The following XPA variants were observed in gnomAD, a reference collection of about 807,000 sequenced individuals.
The protein encoded by XPA is DNA repair protein complementing XP-A cells.
In XPA, 27 loss-of-function variants were observed where a neutral mutation model predicts 35.7. The observed-to-expected ratio is 0.76, with a 90% CI of 0.56 to 1.04. The LOEUF is 1.04. XPA is among the 50% of genes least tolerant of loss of function. XPA has a pLI of 0.00. For missense variants in XPA, 354 were observed against 342.7 expected, an observed-to-expected ratio of 1.03 and a Z score of -0.26; for synonymous variants, 133 against 118.4, an observed-to-expected ratio of 1.12 and a Z score of -0.80.
chr9:97,675,627 A>C (rs1202296598), intron 5 of XPA, 40 bp from the exon 6 acceptor site: 1 of 1,613,250 alleles, frequency 6.2e-7, no homozygotes, highest in Admixed American at 1.7e-5. Context: ...CAGTGGTGCT[A>C]TTCAGGTGAA....
chr9:97,656,228 GA>G, the XPA span: 3 of 698,166 alleles, frequency 4.3e-6, no homozygotes, highest in Non-Finnish European at 7.1e-6. Context: ...CTTAGGCTAA[GA>G]AAAATTAGGC....
the XPA span, among the ~76,000 whole-genome samples, chr9:97,657,906 CTATA>C: frequency 2.6e-3 from 328 of 127,470 alleles, 3 homozygotes; most frequent in Middle Eastern, 8.3e-3. Context: ...CTCTCTCTCT[CTATA>C]TATATATATA....
chr9:97,688,126 A>AG (rs1828777390), intron 3 of XPA, among the ~76,000 whole-genome samples: 1 of 152,190 alleles, frequency 6.6e-6, no homozygotes, highest in Non-Finnish European at 1.5e-5. Context: ...AGAATGGAGG[A>AG]CTGTGTTCCT....
chr9:97,684,061 T>G (rs1267498915), intron 5 of XPA, among the ~76,000 whole-genome samples: 1 of 141,142 alleles, frequency 7.1e-6, no homozygotes, highest in Admixed American at 6.8e-5. Context: ...TAAGACTCTT[T>G]TAGGGATTCT....
At chr9:97,691,273 A>C (rs1564048881) in intron 2 of XPA, among the ~76,000 whole-genome samples, 1 of 152,236 alleles carries the variant, frequency 6.6e-6, no homozygotes, top group Non-Finnish European at 1.5e-5. Context: ...GAGAGGCTGT[A>C]TTCAGCCATG....
At chr9:97,695,100 G>A (rs1436456197) in intron 1 of XPA, among the ~76,000 whole-genome samples, 2 of 152,186 alleles carry the variant, frequency 1.3e-5, no homozygotes, top group Non-Finnish European at 2.9e-5. Flanking sequence ...CTAGGAAGGC[G>A]CAATAGGAAA....
At chr9:97,675,781 C>T (rs772313002) in intron 5 of XPA, 194 bp from the exon 6 acceptor site, 17 of 666,550 alleles carry the variant, frequency 2.6e-5, no homozygotes, top group African/African-American at 5.4e-5. Flanking sequence ...CTCACTAGTT[C>T]GGCCTGTGAA....
chr9:97,667,208 G>A, the XPA span, among the ~76,000 whole-genome samples: 1 of 152,178 alleles, frequency 6.6e-6, no homozygotes, highest in Admixed American at 6.5e-5. Context: ...AGTCTCTGGG[G>A]GAAGAGGGAG....
the XPA span, among the ~76,000 whole-genome samples, chr9:97,659,039 T>C: frequency 6.6e-6 from 1 of 152,260 alleles, no homozygotes; most frequent in African/African-American, 2.4e-5. Flanking sequence ...GTATTTGTCA[T>C]GGTGATGGAG....
At position 97,687,241 on chromosome 9, in the gene XPA, T is replaced by C; in HGVS notation, c.410A>G (p.Lys137Arg). The C allele has an allele frequency of 6.2e-7, 1 of 1,607,284 alleles. No homozygotes were observed. Residue 137 changes from lysine to arginine, a missense_variant, in exon 4 of 6, where the codon AAG (lysine) becomes AGG (arginine). Physicochemically the swap from Lys to Arg is conservative, Grantham distance 26. Transcript: ENST00000375128. ...DNCRDADDKH[K>R]LITKTEAKQE... ...TTTTGCCTCTGTTTTGGTTATAAGC[T>C]TGTGTTTATCATCAGCATCTCTGAA...
intron 5 of XPA, among the ~76,000 whole-genome samples, chr9:97,676,906 C>G (rs1564037391): frequency 6.6e-6 from 1 of 152,116 alleles, no homozygotes; most frequent in Non-Finnish European, 1.5e-5. Flanking sequence ...TTCTGAAGAC[C>G]TTGGTTTTTC....
At chr9:97,687,626 G>A (rs1348544012) in intron 3 of XPA, among the ~76,000 whole-genome samples, 1 of 152,144 alleles carries the variant, frequency 6.6e-6, no homozygotes, top group Non-Finnish European at 1.5e-5. Context: ...AGACAGTCAG[G>A]ACCTTGCAAG....
At chr9:97,657,926 ATTTTT>A in the XPA span, among the ~76,000 whole-genome samples, 201 of 91,398 alleles carry the variant, frequency 2.2e-3, no homozygotes, top group African/African-American at 7.5e-3. Flanking sequence ...ATATATATAT[ATTTTT>A]TTTTTTTTTT....
At chr9:97,658,595 G>A in the XPA span, 6 of 1,432,008 alleles carry the variant, frequency 4.2e-6, no homozygotes, top group Non-Finnish European at 5.9e-6. Context: ...ACCGAAGAAT[G>A]GGACTGATAA....
the XPA span, among the ~76,000 whole-genome samples, chr9:97,657,906 C>CTCTCTCTA: frequency 7.8e-5 from 10 of 127,504 alleles, no homozygotes; most frequent in African/African-American, 2.8e-4. Context: ...CTCTCTCTCT[C>CTCTCTCTA]TATATATATA....
chr9:97,685,195 A>C lies in XPA; in HGVS notation c.556-155T>G, dbSNP rs3176690. The stretch of plus-strand genomic sequence containing the variant: ...AATTTAAAGATTTTAAATATTAATG[A>C]TCAGAAACAACTCTAATAAAACATC... On this transcript the variant is annotated intron_variant, in intron 4 of 5. Coordinates refer to ENST00000375128, the MANE Select transcript of XPA (RefSeq NM_000380.4). 9.8e-3 allele frequency among the ~76,000 whole-genome samples: 1,498 copies of C among 152,314 alleles called. 76 individuals are homozygous for C. Among genetic ancestry groups the C allele is most frequent in the East Asian group, 0.071 (370 of 5,188 alleles).
the XPA span, among the ~76,000 whole-genome samples, chr9:97,655,339 C>T: frequency 7.2e-5 from 11 of 152,030 alleles, no homozygotes; most frequent in African/African-American, 1.9e-4. Flanking sequence ...GTCTCCATCC[C>T]GAGTAGCTGG....
At chr9:97,655,489 G>T in the XPA span, among the ~76,000 whole-genome samples, 1 of 152,084 alleles carries the variant, frequency 6.6e-6, no homozygotes, top group Non-Finnish European at 1.5e-5. Context: ...AACATGTTAG[G>T]TGCCCGCACA....
chr9:97,669,743 C>T, the XPA span: 1 of 1,362,754 alleles, frequency 7.3e-7, no homozygotes, highest in Non-Finnish European at 1.1e-6. Flanking sequence ...TAACACTATT[C>T]TCAGCCACAA....
Sources: allele counts gnomAD v4.1 joint callset (sites outside exome capture counted in the v4.1 genomes callset), GRCh38; gene constraint gnomAD v4.1.1; transcripts MANE v1.5; gene names NCBI Gene and HGNC (gene_info 2026-07-23, HGNC 2026-07-21).